Variants in OR2L13 observed in about 807,000 individuals in gnomAD.
OR2L13 encodes olfactory receptor 2L13.
Under a neutral mutation model 15.3 loss-of-function variants are expected in OR2L13, and 14 were observed. The ratio of observed to expected loss-of-function variants is 0.91; its 90% CI spans 0.60 to 1.43. OR2L13 has a LOEUF of 1.43. OR2L13 is among the 40% of genes most tolerant of loss of function. The pLI is 0.00. For synonymous variants in OR2L13, 152 were observed against 142.9 expected (o/e 1.06, Z -0.45); for missense variants, 367 against 387.9 (o/e 0.95, Z 0.45).
the OR2L13 span, among the ~76,000 whole-genome samples, chr1:248,033,396 C>G: frequency 2.0e-5 from 3 of 152,022 alleles, no homozygotes; most frequent in Non-Finnish European, 4.4e-5. Flanking sequence ...GTGTATATGA[C>G]AGTCTATTTC....
chr1:247,967,045 C>CA, the OR2L13 span, among the ~76,000 whole-genome samples: 1 of 147,410 alleles, frequency 6.8e-6, no homozygotes, highest in Non-Finnish European at 1.5e-5. Context: ...ACACCACACA[C>CA]CACACACACA....
the OR2L13 span, among the ~76,000 whole-genome samples, chr1:247,947,336 G>C: frequency 2.0e-5 from 3 of 152,200 alleles, no homozygotes; most frequent in African/African-American, 7.2e-5. Context: ...ATTTGTGTGT[G>C]TTTGCACACT....
At chr1:248,042,051 C>T in the OR2L13 span, 1 of 152,112 alleles carries the variant, frequency 6.6e-6, no homozygotes, top group Non-Finnish European at 1.5e-5. Context: ...AAGACACATG[C>T]ACACCTATGT....
the OR2L13 span, among the ~76,000 whole-genome samples, chr1:247,957,054 C>A: frequency 6.6e-6 from 1 of 152,274 alleles, no homozygotes; most frequent in African/African-American, 2.4e-5. Flanking sequence ...CAGTTTTTGC[C>A]CATTCAATAT....
the OR2L13 span, among the ~76,000 whole-genome samples, chr1:247,977,506 A>T: frequency 0.039 from 5,900 of 152,232 alleles, 351 homozygotes; most frequent in African/African-American, 0.13. Flanking sequence ...TGTGTTGCCA[A>T]GGCTGGTCTC....
At chr1:248,072,780 G>GA in the OR2L13 span, among the ~76,000 whole-genome samples, 384 of 145,032 alleles carry the variant, frequency 2.6e-3, 12 homozygotes, top group East Asian at 0.064. Flanking sequence ...AAATTTACAA[G>GA]AAAAAAAAAA....
At chr1:247,950,807 A>G in the OR2L13 span, among the ~76,000 whole-genome samples, 2 of 152,166 alleles carry the variant, frequency 1.3e-5, no homozygotes, top group Non-Finnish European at 2.9e-5. Context: ...GTAAAAATAT[A>G]GATAGCACGA....
chr1:248,035,743 AC>A, the OR2L13 span: 3 of 152,110 alleles, frequency 2.0e-5, no homozygotes, highest in Admixed American at 2.0e-4. Context: ...TTGACTCATG[AC>A]ATAGGCCACA....
chr1:247,981,622 A>G, the OR2L13 span, among the ~76,000 whole-genome samples: 6 of 152,232 alleles, frequency 3.9e-5, no homozygotes, highest in African/African-American at 1.4e-4. Flanking sequence ...TGAGCATAGT[A>G]TGTGGAAACA....
the OR2L13 span, among the ~76,000 whole-genome samples, chr1:248,085,469 C>CAAAAA: frequency 0.069 from 4,689 of 67,688 alleles, 185 homozygotes; most frequent in East Asian, 0.093. Context: ...AGAGAAGCAC[C>CAAAAA]AAAAAAAAAA....
the OR2L13 span, among the ~76,000 whole-genome samples, chr1:247,955,423 C>G: frequency 6.6e-6 from 1 of 151,030 alleles, no homozygotes; most frequent in Admixed American, 6.6e-5. Flanking sequence ...GTGCATGTGT[C>G]TTTATAGCAG....
chr1:248,022,476 T>A, the OR2L13 span: 269 of 1,614,226 alleles, frequency 1.7e-4, no homozygotes, highest in African/African-American at 3.0e-3. Context: ...CAATCATTTT[T>A]TCTGTGATGT....
chr1:247,986,259 T>G, the OR2L13 span, among the ~76,000 whole-genome samples: 1 of 152,234 alleles, frequency 6.6e-6, no homozygotes, highest in South Asian at 2.1e-4. Context: ...GACATTTAAG[T>G]CTTTAATCCA....
chr1:248,018,269 TTTCC>T, the OR2L13 span, among the ~76,000 whole-genome samples: 107 of 152,348 alleles, frequency 7.0e-4, no homozygotes, highest in African/African-American at 2.4e-3. Flanking sequence ...CTATGTTACT[TTTCC>T]TTTTTTAAAA....
the OR2L13 span, among the ~76,000 whole-genome samples, chr1:248,034,515 A>G: frequency 2.6e-5 from 4 of 152,194 alleles, no homozygotes; most frequent in Non-Finnish European, 5.9e-5. Flanking sequence ...AAAAAGATTT[A>G]TCATTAGAAT....
At chr1:247,994,572 A>T in the OR2L13 span, among the ~76,000 whole-genome samples, 9 of 152,204 alleles carry the variant, frequency 5.9e-5, no homozygotes, top group Non-Finnish European at 1.0e-4. Context: ...AGTGGAATAG[A>T]TAGAAACAGA....
the OR2L13 span, among the ~76,000 whole-genome samples, chr1:248,087,810 G>A: frequency 6.6e-6 from 1 of 152,124 alleles, no homozygotes; most frequent in Admixed American, 6.5e-5. Flanking sequence ...ATGGGAATGT[G>A]AACAGATATG....
chr1:248,097,601 T>A (rs945010417), intron 1 of OR2L13, among the ~76,000 whole-genome samples: 8 of 152,198 alleles, frequency 5.3e-5, no homozygotes, highest in African/African-American at 1.7e-4. Context: ...CATAAAACAA[T>A]CTTTATAATA....
At chr1:247,963,599 A>G in the OR2L13 span, among the ~76,000 whole-genome samples, 1 of 152,198 alleles carries the variant, frequency 6.6e-6, no homozygotes, top group African/African-American at 2.4e-5. Flanking sequence ...TATAATCGAG[A>G]TATGCCTTTT....
Sources: allele counts gnomAD v4.1 joint callset (sites outside exome capture counted in the v4.1 genomes callset), GRCh38; gene constraint gnomAD v4.1.1; transcripts MANE v1.5; gene names NCBI Gene and HGNC (gene_info 2026-07-23, HGNC 2026-07-21).